MCM9: variants seen among roughly 807,000 people sequenced by gnomAD.
MCM9 encodes minichromosome maintenance 9 homologous recombination repair factor, also known as DNA helicase MCM9.
In MCM9, 55 loss-of-function variants were observed where a neutral mutation model predicts 72.8. The ratio of observed to expected loss-of-function variants is 0.76; its 90% CI spans 0.61 to 0.95. The LOEUF is 0.95. MCM9 is among the 40% of genes least tolerant of loss of function. The pLI is 0.00. For missense variants in MCM9, 1,279 were observed against 1,377.0 expected, an observed-to-expected ratio of 0.93 and a Z score of 1.13; for synonymous variants, 480 against 503.4, an observed-to-expected ratio of 0.95 and a Z score of 0.62.
intron 5 of MCM9, 100 bp downstream of exon 5, chr6:118,921,905 T>C: frequency 3.5e-6 from 3 of 865,744 alleles, no homozygotes; most frequent in Non-Finnish European, 5.5e-6. Context: ...CAGCTCTACA[T>C]TTCCCTTGCC....
chr6:118,924,451 T>C (rs756669742), intron 3 of MCM9, among the ~76,000 whole-genome samples: 3 of 152,224 alleles, frequency 2.0e-5, no homozygotes, highest in Admixed American at 6.5e-5. Flanking sequence ...CAGTAGGATC[T>C]AAAGTATATA....
intron 8 of MCM9, among the ~76,000 whole-genome samples, chr6:118,888,481 G>A (rs776884724): frequency 2.0e-5 from 3 of 151,320 alleles, no homozygotes; most frequent in African/African-American, 4.9e-5. Flanking sequence ...AGTGAGACTC[G>A]TCTCAAAACA....
At chr6:118,898,425 ATTT>A (rs34394511) in intron 8 of MCM9, among the ~76,000 whole-genome samples, 10 of 140,490 alleles carry the variant, frequency 7.1e-5, no homozygotes, top group Non-Finnish European at 9.3e-5. Flanking sequence ...TTATGTAATA[ATTT>A]TTTTTTTTTT....
In MCM9 at chr6:118,868,341, G is replaced by T. The variant is rs1219441963; in HGVS notation, c.1151-11796C>A. On this transcript the variant is annotated intron_variant, in intron 8 of 13. Coordinates refer to ENST00000619706, the MANE Select transcript of MCM9 (RefSeq NM_017696.3). ...CTTTGTGTATGTGATAAAAATTAAG[G>T]TGTCATCCATAGGCATGGGCAAGGA... 2.0e-5 allele frequency among the ~76,000 whole-genome samples: 3 copies of T among 151,932 alleles called. No individual in the cohort carries two copies. In the East Asian group the frequency reaches 5.8e-4, roughly 29 times the overall value.
In MCM9 at chr6:118,914,006, T is replaced by G. The variant is rs563626166; in HGVS notation, c.905-586A>C. ...GAAATAATGAGTCAGATCATACAAG[T>G]CAGTAATCTTTAAATACAGAGGTAG... On this transcript the variant is annotated intron_variant, in intron 6 of 13. Coordinates refer to ENST00000619706, the MANE Select transcript of MCM9 (RefSeq NM_017696.3). Among the ~76,000 whole-genome samples, 12 of 152,274 alleles carry G rather than the reference T, an allele frequency of 7.9e-5. 1 individual carries two copies. The highest frequency in any genetic ancestry group is 2.9e-4 in the African/African-American group (12 of 41,562).
rs1207739123 is a variant in MCM9, at chr6:118,814,710, G to A, written c.*114C>T. On this transcript the variant is annotated 3_prime_UTR_variant, in exon 14 of 14. Transcript: ENST00000619706. ...AGCCTTAAGGGGGAGCCAGTATTCA[G>A]AGTGATCCTCAATATGGCCAATTGT... 7.7e-6 allele frequency: 8 copies of A among 1,044,834 alleles called. No individual in the cohort carries two copies. The East Asian group carries it at 1.8e-4, about 24-fold the overall frequency. The allele number at this position is 1,044,834 out of a possible 1,614,324, so 64.7% of individuals were successfully genotyped here. A position where few individuals can be genotyped will look rare whatever the true frequency, so the allele number is the denominator to read the frequency against.
At chr6:118,913,617 T>G (rs1780716518) in intron 6 of MCM9, among the ~76,000 whole-genome samples, 197 bp from the exon 7 acceptor site, 1 of 152,226 alleles carries the variant, frequency 6.6e-6, no homozygotes, top group South Asian at 2.1e-4. Context: ...CCTGTTTTTT[T>G]GAGACAGGGT....
chr6:118,853,747 TA>T (rs1336944307), intron 9 of MCM9, among the ~76,000 whole-genome samples: 1 of 152,146 alleles, frequency 6.6e-6, no homozygotes, highest in Non-Finnish European at 1.5e-5. Context: ...TGCAGTGAGC[TA>T]TGATCGGGCC....
At chr6:118,857,626 C>CAAA (rs1203197065) in intron 8 of MCM9, among the ~76,000 whole-genome samples, 316 of 70,586 alleles carry the variant, frequency 4.5e-3, no homozygotes, top group African/African-American at 6.6e-3. Flanking sequence ...CCAGACTGAC[C>CAAA]AAAAAAAAAA....
intron 9 of MCM9, among the ~76,000 whole-genome samples, chr6:118,851,551 T>C (rs1338500071): frequency 6.6e-6 from 1 of 151,776 alleles, no homozygotes; most frequent in Non-Finnish European, 1.5e-5. Context: ...AGAATGCTAG[T>C]TTTACAATAA....
chr6:118,907,449 C>T, intron 8 of MCM9: 1 of 1,611,870 alleles, frequency 6.2e-7, no homozygotes, highest in Non-Finnish European at 8.5e-7. Context: ...CAAGATTCCA[C>T]ATTAATTGGG....
intron 9 of MCM9, among the ~76,000 whole-genome samples, chr6:118,836,493 T>G (rs912601005): frequency 1.3e-5 from 2 of 152,216 alleles, no homozygotes; most frequent in Admixed American, 6.5e-5. Flanking sequence ...TTTGGGTTGG[T>G]AGGCTATTAA....
At position 118,922,061 on chromosome 6, in the gene MCM9, A is replaced by C; in HGVS notation, c.647T>G (p.Ile216Ser). The C allele has an allele frequency of 6.2e-7, 1 of 1,613,090 alleles. No individual in the cohort carries two copies. Among genetic ancestry groups the C allele is most frequent in the Non-Finnish European group, 8.5e-7 (1 of 1,179,496 alleles). ...CAGAATAACCTTCATAGATCGTGGA[A>C]TACTTCCAACAGATAGCCTTTGAAC... ...EQVQRLSVGS[I>S]PRSMKVILED... is the part of the protein sequence containing the mutation. The change falls in exon 5 of 14, where the codon ATT becomes AGT. Residue 216 changes from isoleucine to serine, a missense_variant. Physicochemically the swap from Ile to Ser is moderately radical, Grantham distance 142. Coordinates refer to ENST00000619706, the MANE Select transcript of MCM9 (RefSeq NM_017696.3).
intron 8 of MCM9, among the ~76,000 whole-genome samples, chr6:118,902,890 G>A (rs977715137): frequency 4.6e-5 from 7 of 152,156 alleles, no homozygotes; most frequent in African/African-American, 1.7e-4. Flanking sequence ...TCTCTAAATA[G>A]TTAAACATGT....
chr6:118,929,329 T>C (rs908057635), intron 3 of MCM9, among the ~76,000 whole-genome samples: 6 of 152,232 alleles, frequency 3.9e-5, no homozygotes, highest in African/African-American at 1.4e-4. Context: ...TCTGTAGGCA[T>C]GCATACACCA....
intron 8 of MCM9, among the ~76,000 whole-genome samples, chr6:118,858,836 T>C (rs142375225): frequency 0.076 from 11,606 of 152,202 alleles, 685 homozygotes; most frequent in East Asian, 0.19. Context: ...AAACTCTATT[T>C]TCAAGATGTC....
intron 8 of MCM9, among the ~76,000 whole-genome samples, chr6:118,882,795 G>C (rs536642230): frequency 4.0e-5 from 6 of 151,874 alleles, no homozygotes; most frequent in African/African-American, 1.5e-4. Flanking sequence ...TTCAAGAAAT[G>C]AACCTAGCCA....
At chr6:118,897,138 A>G (rs981577534) in intron 8 of MCM9, among the ~76,000 whole-genome samples, 1 of 152,142 alleles carries the variant, frequency 6.6e-6, no homozygotes, top group African/African-American at 2.4e-5. Flanking sequence ...CACCCAGCCC[A>G]AACTATAGAA....
chr6:118,828,141 C>T lies in MCM9; in HGVS notation c.1529-11G>A, dbSNP rs1422524847. The T allele has an allele frequency of 1.9e-6, 3 of 1,547,306 alleles. No individual in the cohort carries two copies. Among genetic ancestry groups the T allele is most frequent in the African/African-American group, 1.4e-5 (1 of 72,902 alleles). On this transcript the variant is annotated splice_polypyrimidine_tract_variant and intron_variant, in intron 10 of 13. Transcript: ENST00000619706. ...ATTTGCTTGGGTAACCTGTATGTAT[C>T]AGGTGTTGGGTCAGTAAGTTCTTAG...
Sources: allele counts gnomAD v4.1 joint callset (sites outside exome capture counted in the v4.1 genomes callset), GRCh38; gene constraint gnomAD v4.1.1; transcripts MANE v1.5; gene names NCBI Gene and HGNC (gene_info 2026-07-23, HGNC 2026-07-21).